LY6D: variants seen among roughly 807,000 people sequenced by gnomAD.
LY6D encodes the protein lymphocyte antigen 6D.
Under a neutral mutation model 5.6 loss-of-function variants are expected in LY6D, and 7 were observed. That is an observed-to-expected ratio of 1.24 (90% CI 0.71 to 2.34). The LOEUF is 2.34. Ranked by LOEUF, LY6D falls within the 30% of genes most tolerant of loss-of-function variation. The pLI is 0.00. For synonymous variants in LY6D, 81 were observed against 75.0 expected (o/e 1.08, Z -0.41); for missense variants, 148 against 164.8 (o/e 0.90, Z 0.56).
chr8:142,786,430 G>GCCCCCCCCCCCCTCCCCCTTGCC, intron 1 of LY6D, 35 bp downstream of exon 1: 1 of 1,434,870 alleles, frequency 7.0e-7, no homozygotes, highest in East Asian at 2.6e-5. Flanking sequence ...GGCCACAGCC[G>GCCCCCCCCCCCCTCCCCCTTGCC]CCCACCCGCC....
intron 1 of LY6D, chr8:142,786,045 T>C: frequency 8.3e-7 from 1 of 1,200,206 alleles, no homozygotes; most frequent in Non-Finnish European, 1.0e-6. Context: ...TCTGAGGGCC[T>C]GACGGAGCTA....
At chr8:142,785,817 C>A in intron 1 of LY6D, 130 bp from the exon 2 acceptor site, 1 of 1,466,052 alleles carries the variant, frequency 6.8e-7, no homozygotes, top group Non-Finnish European at 9.0e-7. Context: ...GGCCCCCAAA[C>A]CCGGGCTCTG....
intron 2 of LY6D, 65 bp from the exon 3 acceptor site, chr8:142,785,521 C>G: frequency 6.2e-7 from 1 of 1,601,724 alleles, no homozygotes; most frequent in Non-Finnish European, 8.5e-7. Flanking sequence ...CCACAACCTT[C>G]CAGCCAACAC....
chr8:142,785,048 TG>T lies in LY6D; in HGVS notation c.*172del. 5.0e-6 allele frequency: 3 copies of T among 602,850 alleles called. No individual in the cohort carries two copies. Among genetic ancestry groups the T allele is most frequent in the Non-Finnish European group, 5.9e-6 (2 of 341,264 alleles). The allele number at this position is 602,850 out of a possible 1,614,324, so 37.3% of individuals were successfully genotyped here. A position where few individuals can be genotyped will look rare whatever the true frequency, so the allele number is the denominator to read the frequency against. ...GTGGCTTCATCCTCTGTGGGGTCTG[TG>T]GGGCCTGCTCCAAGTCATCAGCATT... is the stretch of plus-strand genomic sequence containing the variant. On this transcript the variant is annotated 3_prime_UTR_variant, in exon 3 of 3. Transcript: ENST00000301263.
chr8:142,786,384 G>A (rs939310184), intron 1 of LY6D, 81 bp downstream of exon 1: 21 of 1,467,212 alleles, frequency 1.4e-5, no homozygotes, highest in Middle Eastern at 1.8e-4. Flanking sequence ...CCTAGATGTC[G>A]TCAGCTCCAG....
At chr8:142,786,434 A>AGG in intron 1 of LY6D, 31 bp downstream of exon 1, 1 of 1,213,270 alleles carries the variant, frequency 8.2e-7, no homozygotes. Context: ...ACAGCCGCCC[A>AGG]CCCGCCCGTC....
In LY6D at chr8:142,784,968, C is replaced by T. The variant is rs541139375; in HGVS notation, c.*253G>A. The T allele has an allele frequency of 8.0e-6, 4 of 499,884 alleles. No homozygotes were observed. In the East Asian group the frequency reaches 1.2e-4, roughly 15 times the overall value. The allele number at this position is 499,884 out of a possible 1,614,324, so 31.0% of individuals were successfully genotyped here. On this transcript the variant is annotated 3_prime_UTR_variant, in exon 3 of 3. Coordinates refer to ENST00000301263, the MANE Select transcript of LY6D (RefSeq NM_003695.3). ...AGAAGGAGTGTGAAATCCGGGGATC[C>T]ACAGGGCTTCTGTCCTCCACCTTCC...
chr8:142,786,061 C>T, intron 1 of LY6D: 3 of 1,189,780 alleles, frequency 2.5e-6, no homozygotes, highest in Non-Finnish European at 3.1e-6. Flanking sequence ...AGCTAAGGCC[C>T]CGGGGGCAGC....
intron 1 of LY6D, 124 bp from the exon 2 acceptor site, chr8:142,785,811 C>T: frequency 6.8e-7 from 1 of 1,474,674 alleles, no homozygotes; most frequent in South Asian, 1.4e-5. Flanking sequence ...GCCCTAGGCC[C>T]CCAAACCCGG....
intron 1 of LY6D, 194 bp from the exon 2 acceptor site, chr8:142,785,881 C>A: frequency 1.4e-6 from 2 of 1,423,318 alleles, no homozygotes; most frequent in Non-Finnish European, 1.8e-6. Context: ...TGTATTCCAG[C>A]CTGGGCCGGC....
Position 142,786,460 on chromosome 8 carries a change from C to T in LY6D, c.52+5G>A. 2 of 1,547,078 alleles carry T rather than the reference C, an allele frequency of 1.3e-6. No homozygotes were observed. Among genetic ancestry groups the T allele is most frequent in the Non-Finnish European group, 1.7e-6 (2 of 1,145,002 alleles). ...CCCGCCCGTCCCCTTGGCCCAGCCC[C>T]TCACCTGGCCCTGTAGCCACAGCCA... On this transcript the variant is annotated splice_donor_5th_base_variant and intron_variant, in intron 1 of 2. Coordinates refer to ENST00000301263, the MANE Select transcript of LY6D (RefSeq NM_003695.3).
chr8:142,785,862 CAG>C, intron 1 of LY6D, 175 bp from the exon 2 acceptor site: 1 of 1,434,668 alleles, frequency 7.0e-7, no homozygotes, highest in South Asian at 1.5e-5. Flanking sequence ...AGTGCAGCCT[CAG>C]GGGACATGTA....
In LY6D at chr8:142,786,522, A is replaced by T; in HGVS notation, c.-6T>A. 6.5e-7 allele frequency: 1 copy of T among 1,539,920 alleles called. No individual in the cohort carries two copies. The highest frequency in any genetic ancestry group is 8.8e-7 in the Non-Finnish European group (1 of 1,139,826). On this transcript the variant is annotated 5_prime_UTR_variant, in exon 1 of 3. Transcript: ENST00000301263. ...AGCAGCAATGCTGTCCTCATCTCTGATGTCGTCTGGGAGCAGTGCGGGCCC... is the reference window on the plus strand; with the variant it reads ...AGCAGCAATGCTGTCCTCATCTCTGTTGTCGTCTGGGAGCAGTGCGGGCCC...
Position 142,785,437 on chromosome 8 carries a change from A to AT in LY6D, c.170dup (p.Asn57LysfsTer38). 6.2e-7 allele frequency: 1 copy of AT among 1,612,620 alleles called. No homozygotes were observed. The highest frequency in any genetic ancestry group is 2.2e-5 in the East Asian group (1 of 44,836). On this transcript the variant is annotated frameshift_variant, in exon 3 of 3. Coordinates refer to ENST00000301263, the MANE Select transcript of LY6D (RefSeq NM_003695.3). LOFTEE classifies it low-confidence loss of function (END_TRUNC). ...ACTCCGCACAGTCCTTCTTCACCAGATTCCCCCTCAGAGGCTCCACTGGGC... is the reference window on the plus strand; with the variant it reads ...ACTCCGCACAGTCCTTCTTCACCAGATTTCCCCCTCAGAGGCTCCACTGGGC...
chr8:142,785,162 GT>G lies in LY6D; in HGVS notation c.*58del. The G allele has an allele frequency of 7.3e-7, 1 of 1,363,770 alleles. No individual in the cohort carries two copies. The highest frequency in any genetic ancestry group is 1.0e-6 in the Non-Finnish European group (1 of 984,008). The allele number at this position is 1,363,770 out of a possible 1,614,324, so 84.5% of individuals were successfully genotyped here. A position where few individuals can be genotyped will look rare whatever the true frequency, so the allele number is the denominator to read the frequency against. The stretch of plus-strand genomic sequence containing the variant: ...CCCCCGTTGCGGCTGGGGAAGAGAG[GT>G]GTGGAATCCCCAGAGAAAGGGAAGG... On this transcript the variant is annotated 3_prime_UTR_variant, in exon 3 of 3. Transcript: ENST00000301263.
At position 142,785,586 on chromosome 8, in the gene LY6D, C is replaced by T. The variant is rs1815641250; in HGVS notation, c.151+3G>A. On this transcript the variant is annotated splice_donor_region_variant and intron_variant, in intron 2 of 2. Transcript: ENST00000301263. ...CAGGGACACCTGGACAGATGCTACC[C>T]ACCTGTGTTCGTGGTCTTGCAGAAG... The T allele has an allele frequency of 6.2e-7, 1 of 1,613,544 alleles. No individual in the cohort carries two copies. The highest frequency in any genetic ancestry group is 8.5e-7 in the Non-Finnish European group (1 of 1,179,888).
At position 142,784,995 on chromosome 8, in the gene LY6D, T is replaced by A. The variant is rs550984094; in HGVS notation, c.*226A>T. ...CAGGGCTTCTGTCCTCCACCTTCCA[T>A]GCAGCTGGGGGCTGCATCCTCTGTG... On this transcript the variant is annotated 3_prime_UTR_variant, in exon 3 of 3. Transcript: ENST00000301263. 2 of 541,596 alleles carry A rather than the reference T, an allele frequency of 3.7e-6. No individual in the cohort carries two copies. The highest frequency in any genetic ancestry group is 3.1e-5 in the Admixed American group (1 of 32,322). The allele number at this position is 541,596 out of a possible 1,614,324, so 33.5% of individuals were successfully genotyped here.
Position 142,786,511 on chromosome 8 carries a change from C to G in LY6D, c.6G>C (p.Arg2Ser). 1 of 1,514,778 alleles carries G rather than the reference C, an allele frequency of 6.6e-7. No homozygotes were observed. Among genetic ancestry groups the G allele is most frequent in the South Asian group, 1.2e-5 (1 of 83,236 alleles). 93.8% of individuals were successfully genotyped at this position (1,514,778 alleles called of 1,614,324 possible). The change falls in exon 1 of 3, where the codon AGG becomes AGC. Residue 2 changes from arginine (R) to serine (S), a missense_variant. Coordinates refer to ENST00000301263, the MANE Select transcript of LY6D (RefSeq NM_003695.3). ...GGGCTGCAAGGAGCAGCAATGCTGTCCTCATCTCTGATGTCGTCTGGGAGC... is the reference window on the plus strand; with the variant it reads ...GGGCTGCAAGGAGCAGCAATGCTGTGCTCATCTCTGATGTCGTCTGGGAGC... MRTALLLLAALA... is the reference protein window; with the variant it reads MSTALLLLAALA...
In LY6D at chr8:142,785,227, G is replaced by T. The variant is rs1262842445; in HGVS notation, c.381C>A (p.Ser127Arg). 2 of 1,602,874 alleles carry T rather than the reference G, an allele frequency of 1.2e-6. No individual in the cohort carries two copies. The highest frequency in any genetic ancestry group is 1.7e-6 in the Non-Finnish European group (2 of 1,172,014). The change falls in exon 3 of 3, where the codon AGC (serine) becomes AGA (arginine). Residue 127 changes from serine (S) to arginine (R), a missense_variant. Transcript: ENST00000301263. The stretch of plus-strand genomic sequence containing the variant: ...GCCTTCCCTGGGGGGAAGGTCACAG[G>T]CTGGGGGCTAAGATGACGGCCAGGA... ...LSLLAVILAP[S>R]L
Sources: gnomAD v4.1 joint callset for allele counts on GRCh38, gnomAD v4.1.1 for gene constraint, MANE v1.5 for transcripts, NCBI Gene and HGNC (gene_info 2026-07-23, HGNC 2026-07-21) for gene names.